ESRRG: variants seen among roughly 807,000 people sequenced by gnomAD.
ESRRG encodes the protein estrogen-related receptor gamma.
Under a neutral mutation model 44.0 loss-of-function variants are expected in ESRRG, and 13 were observed. The ratio of observed to expected loss-of-function variants is 0.30; its 90% CI spans 0.19 to 0.47. ESRRG has a LOEUF of 0.47. Ranked by LOEUF, ESRRG falls within the 20% of genes least tolerant of loss-of-function variation. The pLI, the probability that ESRRG is intolerant of heterozygous loss-of-function variation, is 1.00. For synonymous variants in ESRRG, 215 were observed against 214.6 expected (o/e 1.00, Z -0.02); for missense variants, 395 against 580.6 (o/e 0.68, Z 3.29).
chr1:216,848,636 G>A (rs1401239376), intron 2 of ESRRG, among the ~76,000 whole-genome samples: 5 of 151,842 alleles, frequency 3.3e-5, no homozygotes, highest in African/African-American at 4.8e-5. Context: ...CTCCTCCAGC[G>A]ATCTCATAGA....
At chr1:216,816,428 T>TA (rs905160873) in intron 2 of ESRRG, among the ~76,000 whole-genome samples, 16 of 151,960 alleles carry the variant, frequency 1.1e-4, no homozygotes, top group African/African-American at 2.4e-4. Flanking sequence ...TTTGTCAATT[T>TA]AAAAAAAAGA....
intron 1 of ESRRG, among the ~76,000 whole-genome samples, chr1:217,068,540 TG>T (rs2090108095): frequency 6.6e-6 from 1 of 152,142 alleles, no homozygotes; most frequent in Non-Finnish European, 1.5e-5. Context: ...TAACAAGCCG[TG>T]TCACTCTGAA....
intron 3 of ESRRG, among the ~76,000 whole-genome samples, chr1:216,574,603 T>C (rs1350620011): frequency 6.6e-6 from 1 of 152,190 alleles, no homozygotes; most frequent in Non-Finnish European, 1.5e-5. Flanking sequence ...AATTTAAAGA[T>C]AACACATTTA....
chr1:216,676,957 T>C, intron 2 of ESRRG, 119 bp downstream of exon 2: 2 of 706,436 alleles, frequency 2.8e-6, no homozygotes, highest in Non-Finnish European at 4.7e-6. Flanking sequence ...ATTTCCATTT[T>C]CTACTCAAGA....
chr1:216,871,992 T>G (rs1487924109), intron 2 of ESRRG, among the ~76,000 whole-genome samples: 1 of 152,124 alleles, frequency 6.6e-6, no homozygotes, highest in Non-Finnish European at 1.5e-5. Context: ...TAGAGCTGAC[T>G]TGCTGGCAAC....
At chr1:217,015,203 C>T (rs1436013138) in intron 1 of ESRRG, among the ~76,000 whole-genome samples, 2 of 152,142 alleles carry the variant, frequency 1.3e-5, no homozygotes, top group African/African-American at 4.8e-5. Context: ...AGTGCAGGGG[C>T]TGATTGTTTG....
At chr1:217,025,641 C>T (rs2081066011) in intron 1 of ESRRG, among the ~76,000 whole-genome samples, 2 of 152,206 alleles carry the variant, frequency 1.3e-5, no homozygotes, top group Non-Finnish European at 2.9e-5. Flanking sequence ...TCTCTGTAAG[C>T]CTGGCCCCTT....
intron 2 of ESRRG, among the ~76,000 whole-genome samples, chr1:216,651,743 A>G (rs1323674172): frequency 6.6e-6 from 1 of 152,154 alleles, no homozygotes; most frequent in African/African-American, 2.4e-5. Context: ...GTGTTACATA[A>G]TTTGCATAAT....
chr1:217,065,940 C>T (rs2089580877), intron 1 of ESRRG, among the ~76,000 whole-genome samples: 1 of 152,172 alleles, frequency 6.6e-6, no homozygotes, highest in African/African-American at 2.4e-5. Flanking sequence ...CTGTTCCTTA[C>T]ATTTTCTATC....
At chr1:216,689,070 CA>C (rs1170642689) in intron 1 of ESRRG, among the ~76,000 whole-genome samples, 1 of 152,142 alleles carries the variant, frequency 6.6e-6, no homozygotes, top group African/African-American at 2.4e-5. Context: ...TAATAACTGG[CA>C]TTCGCAATAA....
intron 1 of ESRRG, among the ~76,000 whole-genome samples, chr1:217,012,526 T>C (rs1279463984): frequency 1.3e-5 from 2 of 152,258 alleles, no homozygotes; most frequent in Admixed American, 6.5e-5. Context: ...GAGTTACTGA[T>C]AGCAAGAAAA....
At chr1:216,909,729 T>C (rs1227427874) in intron 2 of ESRRG, among the ~76,000 whole-genome samples, 1 of 152,146 alleles carries the variant, frequency 6.6e-6, no homozygotes, top group East Asian at 1.9e-4. Flanking sequence ...AGCACAAAGC[T>C]TATACTAGGC....
intron 1 of ESRRG, among the ~76,000 whole-genome samples, chr1:216,956,424 G>A (rs186665522): frequency 3.3e-5 from 5 of 152,136 alleles, no homozygotes; most frequent in African/African-American, 1.2e-4. Flanking sequence ...ATAAATATGT[G>A]GATTTATTTC....
intron 1 of ESRRG, among the ~76,000 whole-genome samples, chr1:216,971,956 T>A (rs902021124): frequency 6.6e-6 from 1 of 152,240 alleles, no homozygotes; most frequent in African/African-American, 2.4e-5. Context: ...AGCAGCAAAT[T>A]GATTTCTGAG....
At chr1:217,074,876 A>T (rs2091079697) in intron 1 of ESRRG, among the ~76,000 whole-genome samples, 1 of 152,242 alleles carries the variant, frequency 6.6e-6, no homozygotes. Context: ...TCACTATGAC[A>T]GGACCAAACA....
At chr1:216,559,452 T>A (rs931609450) in intron 5 of ESRRG, among the ~76,000 whole-genome samples, 3 of 152,190 alleles carry the variant, frequency 2.0e-5, no homozygotes, top group South Asian at 2.1e-4. Context: ...GCTATGCACA[T>A]TTTTAGTCAA....
chr1:216,979,305 T>C (rs2073528639), intron 1 of ESRRG, among the ~76,000 whole-genome samples: 1 of 152,064 alleles, frequency 6.6e-6, no homozygotes, highest in South Asian at 2.1e-4. Flanking sequence ...TCCTCCCAAC[T>C]CTCAACTAAC....
intron 2 of ESRRG, among the ~76,000 whole-genome samples, chr1:216,890,037 G>C (rs1005126796): frequency 6.6e-6 from 1 of 152,062 alleles, no homozygotes; most frequent in African/African-American, 2.4e-5. Flanking sequence ...GGCTGAGGTG[G>C]GAGGATCACT....
chr1:216,902,974 G>A (rs1358803186), intron 2 of ESRRG, among the ~76,000 whole-genome samples: 1 of 152,184 alleles, frequency 6.6e-6, no homozygotes, highest in Non-Finnish European at 1.5e-5. Flanking sequence ...GTTTCATCAA[G>A]CATTTATGAA....
Sources: gnomAD v4.1 joint callset for allele counts (sites outside exome capture counted in the v4.1 genomes callset) on GRCh38, gnomAD v4.1.1 for gene constraint, MANE v1.5 for transcripts, NCBI Gene and HGNC (gene_info 2026-07-23, HGNC 2026-07-21) for gene names.